Variants in CHRNA1 observed in about 807,000 individuals in gnomAD.
CHRNA1 encodes acetylcholine receptor subunit alpha.
CHRNA1 carries 35 observed loss-of-function variants against 47.1 expected under a neutral mutation model. The ratio of observed to expected loss-of-function variants is 0.74; its 90% CI spans 0.57 to 0.99. CHRNA1 has a LOEUF of 0.99. CHRNA1 is among the 50% of genes least tolerant of loss of function. The pLI is 0.00. For synonymous variants in CHRNA1, 229 were observed against 223.6 expected, an observed-to-expected ratio of 1.02 and a Z score of -0.22; for missense variants, 506 against 591.1, an observed-to-expected ratio of 0.86 and a Z score of 1.49.
Position 174,748,744 on chromosome 2 carries a change from T to C in CHRNA1, c.1078A>G (p.Lys360Glu). ...KRPSREKQDK[K>E]IFTEDIDISD... ...ATATCAATGTCTTCTGTAAAAATCT[T>C]TTTGTCTTGCTTTTCTCTGGATGGT... Residue 360 changes from lysine (K) to glutamate (E), a missense_variant, in exon 8 of 9, where the codon AAG becomes GAG. Physicochemically the swap from Lys to Glu is moderately conservative, Grantham distance 56 (BLOSUM62 1). Coordinates refer to ENST00000348749, the MANE Select transcript of CHRNA1 (RefSeq NM_000079.4). 6.2e-7 allele frequency: 1 copy of C among 1,614,202 alleles called. No homozygotes were observed. Among genetic ancestry groups the C allele is most frequent in the Non-Finnish European group, 8.5e-7 (1 of 1,180,034 alleles).
intron 6 of CHRNA1, 53 bp from the exon 7 acceptor site, chr2:174,750,222 G>T (rs771157177): frequency 1.4e-6 from 2 of 1,417,380 alleles, no homozygotes; most frequent in Non-Finnish European, 2.0e-6. Context: ...ATCTGGGTTG[G>T]GCTGCAGTGT....
chr2:174,750,143 CAG>C lies in CHRNA1; in HGVS notation c.803_804del (p.Ser268CysfsTer99), dbSNP rs749529868. The C allele has an allele frequency of 1.9e-6, 3 of 1,608,520 alleles. No individual in the cohort carries two copies. In the African/African-American group the frequency reaches 4.1e-5, roughly 22 times the overall value. Reference sequence around the variant, plus strand: ...AGGAACACAGTCAAAGACAGTAAGACAGAGATGCTCAGAGTCATCTTCTCCCC... The same window carrying C: ...AGGAACACAGTCAAAGACAGTAAGACAGATGCTCAGAGTCATCTTCTCCCC... ...DSGEKMTLSISVLLSLTVFLL... is the reference protein window; with the variant it reads ...DSGEKMTLSIXVLLSLTVFLL... On this transcript the variant is annotated frameshift_variant, in exon 7 of 9. Coordinates refer to ENST00000348749, the MANE Select transcript of CHRNA1 (RefSeq NM_000079.4). LOFTEE classifies it high-confidence loss of function.
chr2:174,754,881 TC>T (rs1303998624), intron 4 of CHRNA1, among the ~76,000 whole-genome samples: 6 of 141,508 alleles, frequency 4.2e-5, no homozygotes, highest in Non-Finnish European at 7.5e-5. Flanking sequence ...GGCCTACTAC[TC>T]TTTTTTTTTT....
chr2:174,761,895 G>A (rs922763942), intron 1 of CHRNA1, among the ~76,000 whole-genome samples: 1 of 152,204 alleles, frequency 6.6e-6, no homozygotes, highest in Non-Finnish European at 1.5e-5. Flanking sequence ...ATTTGAAGCT[G>A]TTGCTTTGGC....
chr2:174,754,812 G>A (rs1192554307), intron 4 of CHRNA1, among the ~76,000 whole-genome samples: 1 of 151,560 alleles, frequency 6.6e-6, no homozygotes, highest in Non-Finnish European at 1.5e-5. Context: ...AAAAAACACA[G>A]GAATTTTACA....
Position 174,753,753 on chromosome 2 carries a change from G to A in CHRNA1, c.541-13C>T, listed in dbSNP as rs1683910774. On this transcript the variant is annotated splice_polypyrimidine_tract_variant and intron_variant, in intron 5 of 8. Transcript: ENST00000348749. ...GCTGGTCGCTTTCCTGAGAAAGGAAGTGAGGTTTGGAAATCCCAGGCAGGT... is the reference window on the plus strand; with the variant it reads ...GCTGGTCGCTTTCCTGAGAAAGGAAATGAGGTTTGGAAATCCCAGGCAGGT... 1 of 1,613,418 alleles carries A rather than the reference G, an allele frequency of 6.2e-7. No individual in the cohort carries two copies. Among genetic ancestry groups the A allele is most frequent in the Non-Finnish European group, 8.5e-7 (1 of 1,179,550 alleles).
rs750329103 is a variant in CHRNA1, at chr2:174,759,502, G to A, written c.175C>T (p.Gln59Ter). ...TCTTGTCTCACCACATTGATGAGCT[G>A]TATCAGCTGCAGGCCCACGGTGACC... ...VEVTVGLQLI[Q>*]LINVDEVNQI... The change falls in exon 2 of 9, where the codon CAG becomes TAG. Residue 59 changes from glutamine (Q) to a stop codon, truncating the protein, a stop_gained. Coordinates refer to ENST00000348749, the MANE Select transcript of CHRNA1 (RefSeq NM_000079.4). LOFTEE classifies it high-confidence loss of function. 2.5e-6 allele frequency: 4 copies of A among 1,614,028 alleles called. No individual in the cohort carries two copies. In the African/African-American group the frequency reaches 4.0e-5, roughly 16 times the overall value.
intron 4 of CHRNA1, among the ~76,000 whole-genome samples, chr2:174,756,500 TC>T (rs1302581513): frequency 6.6e-6 from 1 of 152,192 alleles, no homozygotes; most frequent in Admixed American, 6.5e-5. Flanking sequence ...TCTTAGTCTC[TC>T]CCAATAAGCA....
intron 6 of CHRNA1, among the ~76,000 whole-genome samples, chr2:174,752,539 C>A (rs1171892608): frequency 6.6e-6 from 1 of 152,018 alleles, no homozygotes; most frequent in Non-Finnish European, 1.5e-5. Context: ...CACTGTACTG[C>A]AGCCTGGGCA....
rs1209279012 is a variant in CHRNA1 at position 174,764,391 on chromosome 2, C to A, written c.4G>T (p.Glu2Ter). 1.9e-6 allele frequency: 3 copies of A among 1,612,902 alleles called. No individual in the cohort carries two copies. In the Admixed American group the frequency reaches 5.0e-5, roughly 27 times the overall value. The change falls in exon 1 of 9, where the codon GAG becomes TAG. Residue 2 changes from glutamate (E) to a stop codon, truncating the protein, a stop_gained. Coordinates refer to ENST00000348749, the MANE Select transcript of CHRNA1 (RefSeq NM_000079.4). LOFTEE classifies it high-confidence loss of function. ...AAGAGCAGGAGGAGAGGCCAGGGCT[C>A]CATGGGCTACCGGAGCTTGTGTGGA... M[E>*]PWPLLLLFSL...
intron 1 of CHRNA1, among the ~76,000 whole-genome samples, chr2:174,763,306 G>A (rs1424561168): frequency 7.4e-6 from 1 of 135,518 alleles, no homozygotes; most frequent in Non-Finnish European, 1.6e-5. Context: ...GGTTTTGCGT[G>A]CACGCATGTG....
At chr2:174,748,441 A>T in intron 8 of CHRNA1, 139 bp downstream of exon 8, 14 of 1,388,710 alleles carry the variant, frequency 1.0e-5, no homozygotes, top group South Asian at 4.1e-5. Context: ...AAGGTGGTCT[A>T]GAGGCGGTCA....
intron 3 of CHRNA1, among the ~76,000 whole-genome samples, chr2:174,758,443 C>T (rs1684027186): frequency 6.6e-6 from 1 of 152,132 alleles, no homozygotes; most frequent in African/African-American, 2.4e-5. Flanking sequence ...GATCCCAAAT[C>T]TGAAATCCAA....
Position 174,748,634 on chromosome 2 carries a change from G to A in CHRNA1, c.1188C>T (p.Ile396=), listed in dbSNP as rs1302423742. 23 of 1,614,028 alleles carry A rather than the reference G, an allele frequency of 1.4e-5. No individual in the cohort carries two copies. Among genetic ancestry groups the A allele is most frequent in the East Asian group, 2.2e-5 (1 of 44,894 alleles). ...LIKHPEVKSA[I]EGIKYIAETM... ...TCTCTGCGATGTACTTGATGCCCTCGATGGCACTTTTCACCTCGGGGTGTT... is the reference window on the plus strand; with the variant it reads ...TCTCTGCGATGTACTTGATGCCCTCAATGGCACTTTTCACCTCGGGGTGTT... Residue 396 remains isoleucine (I), a synonymous_variant, in exon 8 of 9, where the codon ATC becomes ATT. Coordinates refer to ENST00000348749, the MANE Select transcript of CHRNA1 (RefSeq NM_000079.4).
At chr2:174,761,178 T>C (rs1469904535) in intron 1 of CHRNA1, among the ~76,000 whole-genome samples, 2 of 152,154 alleles carry the variant, frequency 1.3e-5, no homozygotes, top group East Asian at 3.8e-4. Flanking sequence ...GTGTTCCAAA[T>C]CCCAAGTGTC....
At chr2:174,761,989 A>G (rs1018554633) in intron 1 of CHRNA1, among the ~76,000 whole-genome samples, 1 of 152,216 alleles carries the variant, frequency 6.6e-6, no homozygotes, top group Non-Finnish European at 1.5e-5. Context: ...GGCAGAGCAG[A>G]TGGTCAGCAT....
rs559714861 is a variant in CHRNA1 at position 174,757,049 on chromosome 2, G to A, written c.344+517C>T. ...GGCATCCCAGGCCAACAGCAGCAGT[G>A]GATGTCGAGAAGGTGTTCAGGATGT... On this transcript the variant is annotated intron_variant, in intron 4 of 8. Transcript: ENST00000348749. Among the ~76,000 whole-genome samples, 3 of 152,294 alleles carry A rather than the reference G, an allele frequency of 2.0e-5. No individual in the cohort carries two copies. The East Asian group carries it at 5.8e-4, about 29-fold the overall frequency.
At chr2:174,753,791 G>C in intron 5 of CHRNA1, 51 bp from the exon 6 acceptor site, 1 of 1,563,366 alleles carries the variant, frequency 6.4e-7, no homozygotes. Flanking sequence ...CCCTGATGAG[G>C]GGCAGCGTTT....
At position 174,748,551 on chromosome 2, in the gene CHRNA1, A is replaced by G. The variant is rs1461442293; in HGVS notation, c.1242+29T>C. On this transcript the variant is annotated intron_variant, in intron 8 of 8. Coordinates refer to ENST00000348749, the MANE Select transcript of CHRNA1 (RefSeq NM_000079.4). The stretch of plus-strand genomic sequence containing the variant: ...CATACATTTGACCATTTAAACCCAG[A>G]GGCATGAATTTCAAGCCACGAAGCT... The G allele has an allele frequency of 1.9e-6, 3 of 1,607,870 alleles. No homozygotes were observed. The African/African-American group carries it at 4.0e-5, about 22-fold the overall frequency.
Sources: allele counts gnomAD v4.1 joint callset (sites outside exome capture counted in the v4.1 genomes callset), GRCh38; gene constraint gnomAD v4.1.1; transcripts MANE v1.5; gene names NCBI Gene and HGNC (gene_info 2026-07-23, HGNC 2026-07-21).